Variants in KANK1 observed in about 807,000 individuals in gnomAD.
The protein encoded by KANK1 is KN motif and ankyrin repeat domain-containing protein 1.
Under a neutral mutation model 106.2 loss-of-function variants are expected in KANK1, and 109 were observed. That is an observed-to-expected ratio of 1.03 (90% CI 0.88 to 1.20). The LOEUF is 1.20. KANK1 is among the 50% of genes most tolerant of loss of function. The pLI is 0.00. For missense variants in KANK1, 2,399 were observed against 1,710.7 expected (o/e 1.40, Z -7.10); for synonymous variants, 873 against 652.2 (o/e 1.34, Z -5.16).
chr9:745,004 G>A (rs1201853937), intron 11 of KANK1, 169 bp from the exon 12 acceptor site: 3 of 1,499,792 alleles, frequency 2.0e-6, no homozygotes, highest in East Asian at 2.3e-5. Flanking sequence ...GCTGAGCCCA[G>A]CTGGCCTTGG....
chr9:605,085 C>T (rs1326673713), intron 1 of KANK1, among the ~76,000 whole-genome samples: 1 of 151,650 alleles, frequency 6.6e-6, no homozygotes, highest in Non-Finnish European at 1.5e-5. Flanking sequence ...AGGCAGATCA[C>T]ATGGTCAGGA....
chr9:573,759 A>T (rs887399180), intron 1 of KANK1, among the ~76,000 whole-genome samples: 3 of 151,718 alleles, frequency 2.0e-5, no homozygotes, highest in African/African-American at 7.3e-5. Flanking sequence ...TTGCTTTCGA[A>T]ATCCTGAGTG....
chr9:482,332 C>T lies in KANK1; in HGVS notation c.-362+9059C>T, dbSNP rs1295348323. On this transcript the variant is annotated intron_variant, in intron 3 of 15. Coordinates refer to the KANK1 transcript ENST00000382303. ...GAAGTGAGGGGGCACAAACTATTTTCGGATTCGAATTTGTCTTTATTATGT... is the reference window on the plus strand; with the variant it reads ...GAAGTGAGGGGGCACAAACTATTTTTGGATTCGAATTTGTCTTTATTATGT... Among the ~76,000 whole-genome samples the T allele has an allele frequency of 3.3e-5, 5 of 152,148 alleles. No individual in the cohort carries two copies. In the East Asian group the frequency reaches 5.8e-4, roughly 18 times the overall value.
At chr9:737,939 A>T (rs1486491597) in intron 7 of KANK1, among the ~76,000 whole-genome samples, 4 of 152,362 alleles carry the variant, frequency 2.6e-5, no homozygotes, top group Non-Finnish European at 5.9e-5. Context: ...GGTATTATCC[A>T]GTTTTTCAGA....
intron 2 of KANK1, among the ~76,000 whole-genome samples, chr9:471,971 C>G (rs1486633678): frequency 6.6e-6 from 1 of 152,156 alleles, no homozygotes; most frequent in African/African-American, 2.4e-5. Flanking sequence ...CGATTATTCC[C>G]CTGCCCCCAA....
At chr9:527,693 T>C (rs1319188873) in intron 1 of KANK1, among the ~76,000 whole-genome samples, 4 of 149,798 alleles carry the variant, frequency 2.7e-5, no homozygotes, top group Non-Finnish European at 4.4e-5. Flanking sequence ...ATCTAAATTG[T>C]CTTTTTTTTT....
At chr9:551,391 T>C (rs1489772462) in intron 1 of KANK1, among the ~76,000 whole-genome samples, 1 of 152,138 alleles carries the variant, frequency 6.6e-6, no homozygotes, top group Admixed American at 6.5e-5. Flanking sequence ...TGAAGTTAGC[T>C]GTCAGTTTAA....
At position 745,262 on chromosome 9, in the gene KANK1, A is replaced by G. The variant is rs768661309; in HGVS notation, c.*27A>G. ...TGTATGCAAATAGCCCTTTATTTAC[A>G]TGCCACTATTAAGCTGCTAATTGTT... is the stretch of plus-strand genomic sequence containing the variant. On this transcript the variant is annotated 3_prime_UTR_variant, in exon 12 of 12. Coordinates refer to ENST00000382297, the MANE Select transcript of KANK1 (RefSeq NM_015158.5). 4 of 1,613,804 alleles carry G rather than the reference A, an allele frequency of 2.5e-6. No individual in the cohort carries two copies. Among genetic ancestry groups the G allele is most frequent in the Non-Finnish European group, 3.4e-6 (4 of 1,179,724 alleles).
Position 628,733 on chromosome 9 carries a change from C to A in KANK1, c.-83-48157C>A, listed in dbSNP as rs534132355. Among the ~76,000 whole-genome samples the A allele has an allele frequency of 1.4e-4, 22 of 152,222 alleles. No individual in the cohort carries two copies. In the South Asian group the frequency reaches 4.4e-3, roughly 30 times the overall value. Reference sequence around the variant, plus strand: ...CCATCCCTTTCTGCATGGCGGGTTTCTTTGTGGCCATTTGGTTCCCTGGAT... The same window carrying A: ...CCATCCCTTTCTGCATGGCGGGTTTATTTGTGGCCATTTGGTTCCCTGGAT... On this transcript the variant is annotated intron_variant, in intron 1 of 11. Transcript: ENST00000382297.
chr9:710,066 G>C (rs917111639), intron 2 of KANK1, among the ~76,000 whole-genome samples: 1 of 152,328 alleles, frequency 6.6e-6, no homozygotes, highest in East Asian at 1.9e-4. Context: ...AGTGGGGAAA[G>C]AGGGGAGTGA....
At chr9:717,999 T>C (rs1192746077) in intron 3 of KANK1, among the ~76,000 whole-genome samples, 1 of 152,218 alleles carries the variant, frequency 6.6e-6, no homozygotes, top group Non-Finnish European at 1.5e-5. Context: ...GTTAATGAAC[T>C]CGAAGTCATT....
chr9:586,816 A>T (rs1227401174), intron 1 of KANK1, among the ~76,000 whole-genome samples: 1 of 151,868 alleles, frequency 6.6e-6, no homozygotes. Context: ...AGCAAAAGGG[A>T]CTCTTTGCAT....
At chr9:486,676 T>C (rs1331061575) in intron 3 of KANK1, among the ~76,000 whole-genome samples, 1 of 152,188 alleles carries the variant, frequency 6.6e-6, no homozygotes, top group African/African-American at 2.4e-5. Flanking sequence ...TAATCAGTGT[T>C]CCAGTGGTCT....
At chr9:688,501 G>C (rs1368714230) in intron 2 of KANK1, among the ~76,000 whole-genome samples, 1 of 152,034 alleles carries the variant, frequency 6.6e-6, no homozygotes, top group Non-Finnish European at 1.5e-5. Flanking sequence ...AACTACTTGG[G>C]AGGCTGAGGC....
chr9:717,681 TA>T (rs1284954238), intron 3 of KANK1, among the ~76,000 whole-genome samples: 2 of 152,036 alleles, frequency 1.3e-5, no homozygotes, highest in African/African-American at 2.4e-5. Context: ...AAAATGTTGG[TA>T]AAAAAAAGTT....
At chr9:532,205 C>A (rs2060087736) in intron 1 of KANK1, among the ~76,000 whole-genome samples, 1 of 148,160 alleles carries the variant, frequency 6.7e-6, no homozygotes, top group African/African-American at 2.5e-5. Context: ...CATTCGTGTA[C>A]AGAGATTTAA....
intron 1 of KANK1, among the ~76,000 whole-genome samples, chr9:591,393 A>G (rs1166316494): frequency 6.6e-6 from 1 of 151,780 alleles, no homozygotes; most frequent in Non-Finnish European, 1.5e-5. Flanking sequence ...AAGTGTGATC[A>G]CATCTTGGCA....
chr9:602,783 G>A (rs757063933), intron 1 of KANK1, among the ~76,000 whole-genome samples: 2 of 151,832 alleles, frequency 1.3e-5, no homozygotes, highest in African/African-American at 4.9e-5. Context: ...TGATGATTCA[G>A]TATAACTTCT....
intron 1 of KANK1, among the ~76,000 whole-genome samples, chr9:589,119 G>C (rs1824211221): frequency 6.6e-6 from 1 of 152,178 alleles, no homozygotes; most frequent in Non-Finnish European, 1.5e-5. Flanking sequence ...GGAATAACTA[G>C]AATGTTAAAG....
Sources: gnomAD v4.1 joint callset for allele counts (sites outside exome capture counted in the v4.1 genomes callset) on GRCh38, gnomAD v4.1.1 for gene constraint, MANE v1.5 for transcripts, NCBI Gene and HGNC (gene_info 2026-07-23, HGNC 2026-07-21) for gene names.